SLC16A12: variants seen among roughly 807,000 people sequenced by gnomAD.
The protein encoded by SLC16A12 is monocarboxylate transporter 12.
SLC16A12 carries 17 observed loss-of-function variants against 42.4 expected under a neutral mutation model. The observed-to-expected ratio is 0.40, with a 90% confidence interval of 0.27 to 0.60. The LOEUF (loss-of-function observed/expected upper bound fraction) is 0.60, where lower values mean the gene tolerates loss of function less well. Among genes scored for constraint, SLC16A12 ranks in the 20% least tolerant of loss-of-function variants. The probability of loss-of-function intolerance (pLI) is 0.42; values close to 1 mark genes in which losing one functional copy is unlikely to be tolerated. For synonymous variants in SLC16A12, 224 were observed against 229.4 expected, an observed-to-expected ratio of 0.98 and a Z score of 0.21; for missense variants, 544 against 623.0, an observed-to-expected ratio of 0.87 and a Z score of 1.35.
At chr10:89,458,137 G>C (rs576936622) in intron 3 of SLC16A12, among the ~76,000 whole-genome samples, 1 of 152,256 alleles carries the variant, frequency 6.6e-6, no homozygotes, top group East Asian at 1.9e-4. Context: ...ATTTACTGTT[G>C]ATAAAGATAA....
At chr10:89,527,295 CA>C (rs1157062138) in intron 2 of SLC16A12, among the ~76,000 whole-genome samples, 1 of 151,552 alleles carries the variant, frequency 6.6e-6, no homozygotes, top group East Asian at 1.9e-4. Flanking sequence ...CCAGCCTGAC[CA>C]ACGTGGTGAA....
chr10:89,514,285 AAG>A (rs1275793721), intron 2 of SLC16A12, among the ~76,000 whole-genome samples: 1 of 152,236 alleles, frequency 6.6e-6, no homozygotes, highest in Non-Finnish European at 1.5e-5. Flanking sequence ...CAGAAAGATA[AAG>A]AGCAGTCCAG....
chr10:89,464,399 AG>A (rs1842358160), intron 2 of SLC16A12, among the ~76,000 whole-genome samples: 1 of 152,192 alleles, frequency 6.6e-6, no homozygotes, highest in Non-Finnish European at 1.5e-5. Flanking sequence ...CTTGTCAAAC[AG>A]GCTTCTTAAT....
intron 3 of SLC16A12, among the ~76,000 whole-genome samples, chr10:89,450,122 G>A (rs899456856): frequency 1.1e-4 from 16 of 152,214 alleles, no homozygotes; most frequent in African/African-American, 3.9e-4. Context: ...AGGTGCTGGA[G>A]AGGATGTGGA....
chr10:89,537,100 T>C (rs35296553), upstream of SLC16A12, among the ~76,000 whole-genome samples: 14,298 of 151,276 alleles, frequency 0.095, 727 homozygotes, highest in Non-Finnish European at 0.11. Flanking sequence ...GAGTTACTGA[T>C]GAACAGTAGG....
At chr10:89,450,946 G>A (rs1842086949) in intron 3 of SLC16A12, among the ~76,000 whole-genome samples, 1 of 151,644 alleles carries the variant, frequency 6.6e-6, no homozygotes, top group South Asian at 2.1e-4. Context: ...CAGAGAAAGA[G>A]AAAGAAATAT....
chr10:89,461,102 G>T (rs1415462590), intron 3 of SLC16A12, among the ~76,000 whole-genome samples: 1 of 152,172 alleles, frequency 6.6e-6, no homozygotes, highest in Non-Finnish European at 1.5e-5. Context: ...TTGAATGAAA[G>T]CACCTGTAGA....
At chr10:89,545,173 T>G (rs531143875) in intron 2 of SLC16A12, among the ~76,000 whole-genome samples, 38 of 152,244 alleles carry the variant, frequency 2.5e-4, no homozygotes, top group African/African-American at 8.9e-4. Context: ...AGGCTGCAGG[T>G]GCACAAGTGA....
At chr10:89,510,439 C>A (rs1315738403) in intron 2 of SLC16A12, among the ~76,000 whole-genome samples, 1 of 152,176 alleles carries the variant, frequency 6.6e-6, no homozygotes, top group Non-Finnish European at 1.5e-5. Flanking sequence ...CACACATCTA[C>A]AACCATCTGA....
At chr10:89,530,480 G>T (rs533815262) in intron 2 of SLC16A12, among the ~76,000 whole-genome samples, 7 of 151,350 alleles carry the variant, frequency 4.6e-5, no homozygotes, top group South Asian at 2.1e-4. Flanking sequence ...TGCAGTGGCG[G>T]GATCTTGGCT....
chr10:89,488,805 T>C (rs1472609815), intron 2 of SLC16A12, among the ~76,000 whole-genome samples: 1 of 152,164 alleles, frequency 6.6e-6, no homozygotes, highest in African/African-American at 2.4e-5. Flanking sequence ...ACTAGACAGA[T>C]GCTATGCACA....
chr10:89,458,963 T>C (rs1444538882), intron 3 of SLC16A12, among the ~76,000 whole-genome samples: 1 of 152,184 alleles, frequency 6.6e-6, no homozygotes, highest in Non-Finnish European at 1.5e-5. Context: ...TTCCTATTTG[T>C]CTGTGGTATG....
At chr10:89,453,231 T>C (rs898969393) in intron 3 of SLC16A12, among the ~76,000 whole-genome samples, 3 of 152,208 alleles carry the variant, frequency 2.0e-5, no homozygotes, top group African/African-American at 4.8e-5. Flanking sequence ...ATTGATTAAC[T>C]GCAACAGTCA....
chr10:89,539,798 T>C (rs1334325078), upstream of SLC16A12, among the ~76,000 whole-genome samples: 1 of 152,202 alleles, frequency 6.6e-6, no homozygotes, highest in East Asian at 1.9e-4. Flanking sequence ...CTGTACAGAT[T>C]AGGGCAATAC....
intron 3 of SLC16A12, among the ~76,000 whole-genome samples, chr10:89,450,994 T>A (rs757781600): frequency 2.0e-5 from 3 of 152,156 alleles, no homozygotes; most frequent in Non-Finnish European, 4.4e-5. Context: ...GAGAAAGACA[T>A]GTGAACCAGA....
At chr10:89,444,615 C>G (rs1252843704) in intron 3 of SLC16A12, among the ~76,000 whole-genome samples, 1 of 152,100 alleles carries the variant, frequency 6.6e-6, no homozygotes, top group African/African-American at 2.4e-5. Flanking sequence ...TTTGTAAAAA[C>G]AGTTTATGTA....
intron 7 of SLC16A12, among the ~76,000 whole-genome samples, chr10:89,435,632 C>T (rs755007925): frequency 6.6e-6 from 1 of 152,156 alleles, no homozygotes; most frequent in African/African-American, 2.4e-5. Context: ...GAGCCCAGTT[C>T]CTCTGTCTGG....
intron 2 of SLC16A12, among the ~76,000 whole-genome samples, chr10:89,498,565 T>C (rs995026160): frequency 1.3e-5 from 2 of 152,042 alleles, no homozygotes; most frequent in African/African-American, 4.8e-5. Context: ...TGTTAAGAAA[T>C]AGAAAGGGCA....
At chr10:89,548,089 T>A (rs557982453) in intron 2 of SLC16A12, among the ~76,000 whole-genome samples, 173 of 151,994 alleles carry the variant, frequency 1.1e-3, no homozygotes, top group African/African-American at 4.0e-3. Flanking sequence ...AGGAAGGCAG[T>A]CTTGTTAAAT....
Sources: gnomAD v4.1 joint callset for allele counts (sites outside exome capture counted in the v4.1 genomes callset) on GRCh38, gnomAD v4.1.1 for gene constraint, MANE v1.5 for transcripts, NCBI Gene and HGNC (gene_info 2026-07-23, HGNC 2026-07-21) for gene names.